The following DNAJC9 variants were observed in gnomAD, a reference collection of about 807,000 sequenced individuals.
DNAJC9 encodes dnaJ homolog subfamily C member 9.
A neutral mutation model predicts 32.4 loss-of-function variants in DNAJC9; 18 were observed. The ratio of observed to expected loss-of-function variants is 0.56; its 90% CI spans 0.38 to 0.82. The LOEUF is 0.82. DNAJC9 is among the 40% of genes least tolerant of loss of function. The pLI is 0.00. For missense variants in DNAJC9, 310 were observed against 321.8 expected, an observed-to-expected ratio of 0.96 and a Z score of 0.28; for synonymous variants, 113 against 122.1, an observed-to-expected ratio of 0.93 and a Z score of 0.49.
At chr10:73,235,004 C>T (rs903838392), downstream of DNAJC9, 40 of 1,526,190 alleles carry the variant, frequency 2.6e-5, no homozygotes, top group African/African-American at 5.2e-4. Context: ...AGTAATTCTG[C>T]AGGATCTGTG....
downstream of DNAJC9, chr10:73,234,204 T>C (rs1363166098): frequency 6.5e-6 from 1 of 153,214 alleles, no homozygotes; most frequent in Non-Finnish European, 1.5e-5. Context: ...GCTATATCTA[T>C]ACCAACAGAG....
chr10:73,234,662 A>T (rs2043781873), downstream of DNAJC9: 1 of 822,062 alleles, frequency 1.2e-6, no homozygotes, highest in African/African-American at 1.7e-5. Context: ...TAATTTTCCA[A>T]AAATCCTGAG....
Position 73,247,053 on chromosome 10 carries a change from C to T in DNAJC9, c.137G>A (p.Arg46Gln), listed in dbSNP as rs770448388. 8 of 1,572,244 alleles carry T rather than the reference C, an allele frequency of 5.1e-6. No individual in the cohort carries two copies. The highest frequency in any genetic ancestry group is 3.5e-6 in the Non-Finnish European group (4 of 1,159,236). The change falls in exon 1 of 5, where the codon CGG becomes CAG. Residue 46 changes from arginine (R) to glutamine (Q), a missense_variant. By Grantham distance (43) the Arg-to-Gln change is conservative (BLOSUM62 1). Coordinates refer to ENST00000372950, the MANE Select transcript of DNAJC9 (RefSeq NM_015190.5). ...GTCCTCCTTGTCGCCCTCACCCACC[C>T]GGTCCGGGTGTACCTGCAGGGACAC... ...HKVSLQVHPD[R>Q]VGEGDKEDAT... is the part of the protein sequence containing the mutation.
rs542302958 is a variant in DNAJC9 at position 73,246,911 on chromosome 10, A to G, written c.181-83T>C. 29 of 1,596,458 alleles carry G rather than the reference A, an allele frequency of 1.8e-5. No homozygotes were observed. The African/African-American group carries it at 3.6e-4, about 20-fold the overall frequency. On this transcript the variant is annotated intron_variant, in intron 1 of 4. Coordinates refer to ENST00000372950, the MANE Select transcript of DNAJC9 (RefSeq NM_015190.5). ...GAGAAATAAAGATCAGAAGGCGCCA[A>G]GCGGAGCTCAGCGCGCTCCCCCGGG...
rs1473198845 is a variant in DNAJC9, at chr10:73,246,719, C to CA, written c.289dup (p.Trp97LeufsTer10). On this transcript the variant is annotated frameshift_variant, in exon 2 of 5. Transcript: ENST00000372950. LOFTEE classifies it high-confidence loss of function. The stretch of plus-strand genomic sequence containing the variant: ...AAAGAGTAGCCGCCAATACGCCTCC[C>CA]AGTCTCGGTCTTGGGTGAGCACAGG... 6.2e-7 allele frequency: 1 copy of CA among 1,614,080 alleles called. No homozygotes were observed. The highest frequency in any genetic ancestry group is 8.5e-7 in the Non-Finnish European group (1 of 1,179,934).
At chr10:73,232,996 A>C in intron 2 of DNAJC9, 2 of 1,552,034 alleles carry the variant, frequency 1.3e-6, no homozygotes, top group Non-Finnish European at 1.7e-6. Context: ...TTTCAACTCG[A>C]AATTGGCCAA....
chr10:73,244,636 C>G (rs1177067059), intron 3 of DNAJC9: 1 of 152,044 alleles, frequency 6.6e-6, no homozygotes, highest in African/African-American at 2.4e-5. Context: ...ATGACTTCTC[C>G]CCAGTAGTCA....
At chr10:73,234,586 C>A, downstream of DNAJC9, 1 of 476,178 alleles carries the variant, frequency 2.1e-6, no homozygotes, top group Non-Finnish European at 3.8e-6. Flanking sequence ...GAGAAAAGGC[C>A]AGCTTCTGTT....
intron 2 of DNAJC9, chr10:73,233,206 A>C: frequency 7.7e-7 from 1 of 1,299,094 alleles, no homozygotes; most frequent in South Asian, 1.3e-5. Context: ...TGGTAAAACT[A>C]ACACATTTTA....
intron 2 of DNAJC9, chr10:73,233,083 A>G: frequency 6.4e-7 from 1 of 1,551,664 alleles, no homozygotes; most frequent in Non-Finnish European, 8.7e-7. Context: ...CACCACCACG[A>G]ACTCTTCATC....
downstream of DNAJC9, among the ~76,000 whole-genome samples, chr10:73,240,451 G>A (rs571439718): frequency 1.4e-4 from 22 of 152,296 alleles, no homozygotes; most frequent in Admixed American, 3.9e-4. Flanking sequence ...GGTGGCTCAT[G>A]CCTGTAATCC....
chr10:73,234,391 A>G, downstream of DNAJC9: 1 of 168,894 alleles, frequency 5.9e-6, no homozygotes, highest in Non-Finnish European at 1.3e-5. Context: ...AAGCTGCTCC[A>G]GATCCTACTG....
Position 73,243,466 on chromosome 10 carries a change from T to A in DNAJC9, c.717A>T (p.Glu239Asp), listed in dbSNP as rs530072259. The change falls in exon 5 of 5, where the codon GAA becomes GAT. Residue 239 changes from glutamate to aspartate, a missense_variant. Coordinates refer to ENST00000372950, the MANE Select transcript of DNAJC9 (RefSeq NM_015190.5). ...CTTTGGAAGATTTGCAGTACTTTGC[T>A]TCCATCTGAGCCAGAAAATTGTCCA... ...KEMDNFLAQMEAKYCKSSKGG... is the reference protein window; with the variant it reads ...KEMDNFLAQMDAKYCKSSKGG... The A allele has an allele frequency of 5.0e-6, 8 of 1,614,136 alleles. No individual in the cohort carries two copies. The highest frequency in any genetic ancestry group is 1.3e-5 in the African/African-American group (1 of 75,048).
chr10:73,241,573 A>G (rs1394583934), downstream of DNAJC9: 1 of 155,480 alleles, frequency 6.4e-6, no homozygotes, highest in East Asian at 1.9e-4. Context: ...CTAAAAACAT[A>G]AATGTTAAGC....
downstream of DNAJC9, chr10:73,241,672 GTGA>G (rs1169209203): frequency 6.6e-6 from 1 of 152,222 alleles, no homozygotes; most frequent in Non-Finnish European, 1.5e-5. Context: ...CTGATGCCAG[GTGA>G]TGCTTATTTT....
downstream of DNAJC9, chr10:73,240,994 T>C: frequency 6.7e-7 from 1 of 1,498,028 alleles, no homozygotes; most frequent in Non-Finnish European, 8.8e-7. Flanking sequence ...GGCAGACCAG[T>C]CTCTCGAACC....
rs2044002913 is a variant in DNAJC9 at position 73,246,012 on chromosome 10, G to A, written c.486C>T (p.Ile162=). ...CTCCGGCGTCAATAGCTTGCTGAAT[G>A]ATATTCCTTATCCTGGGTTCCTCTG... is the stretch of plus-strand genomic sequence containing the variant. The part of the protein sequence containing the change: ...QYTEEPRIRN[I]IQQAIDAGEV... Residue 162 remains isoleucine (I), a synonymous_variant, in exon 3 of 5, where the codon ATC becomes ATT. Coordinates refer to ENST00000372950, the MANE Select transcript of DNAJC9 (RefSeq NM_015190.5). The A allele has an allele frequency of 6.2e-7, 1 of 1,613,706 alleles. No individual in the cohort carries two copies. The highest frequency in any genetic ancestry group is 1.1e-5 in the South Asian group (1 of 91,060).
At chr10:73,237,228 C>A (rs2043841604), downstream of DNAJC9, among the ~76,000 whole-genome samples, 1 of 152,160 alleles carries the variant, frequency 6.6e-6, no homozygotes, top group Admixed American at 6.5e-5. Flanking sequence ...TTCTAGTAGA[C>A]CCCACGAGGC....
chr10:73,233,484 G>A (rs181725684), intron 2 of DNAJC9, among the ~76,000 whole-genome samples: 10 of 152,164 alleles, frequency 6.6e-5, no homozygotes, highest in Non-Finnish European at 1.0e-4. Context: ...GACCACAGGC[G>A]GGTGGTGCCA....
Sources: gnomAD v4.1 joint callset for allele counts (sites outside exome capture counted in the v4.1 genomes callset) on GRCh38, gnomAD v4.1.1 for gene constraint, MANE v1.5 for transcripts, NCBI Gene and HGNC (gene_info 2026-07-23, HGNC 2026-07-21) for gene names.